Variants in SYNPR observed in about 807,000 individuals in gnomAD.
SYNPR encodes the protein synaptoporin.
SYNPR carries 23 observed loss-of-function variants against 32.9 expected under a neutral mutation model. That is an observed-to-expected ratio of 0.70 (90% CI 0.50 to 0.99). SYNPR has a LOEUF of 0.99. Ranked by LOEUF, SYNPR falls within the 50% of genes least tolerant of loss-of-function variation. The probability of loss-of-function intolerance (pLI) is 0.00; values close to 1 mark genes in which losing one functional copy is unlikely to be tolerated. For synonymous variants in SYNPR, 146 were observed against 135.9 expected (o/e 1.07, Z -0.52); for missense variants, 318 against 349.3 (o/e 0.91, Z 0.71).
At chr3:63,406,205 T>TA (rs112126122) in intron 2 of SYNPR, among the ~76,000 whole-genome samples, 4,380 of 141,336 alleles carry the variant, frequency 0.031, 188 homozygotes, top group African/African-American at 0.1. Context: ...AATGCAGCTT[T>TA]AAAAAAAAAA....
At chr3:63,576,691 T>A (rs1158690709) in intron 4 of SYNPR, among the ~76,000 whole-genome samples, 2 of 150,022 alleles carry the variant, frequency 1.3e-5, no homozygotes, top group Non-Finnish European at 2.9e-5. Context: ...CTCGGGAAGT[T>A]GAGGCAGGAG....
intron 1 of SYNPR, among the ~76,000 whole-genome samples, chr3:63,238,351 T>G (rs1042137420): frequency 1.3e-5 from 2 of 151,752 alleles, no homozygotes; most frequent in African/African-American, 4.8e-5. Flanking sequence ...ATCATTCAAT[T>G]TTTTTTTTCT....
intron 2 of SYNPR, among the ~76,000 whole-genome samples, chr3:63,318,217 T>C (rs976515563): frequency 7.9e-5 from 12 of 152,052 alleles, no homozygotes; most frequent in African/African-American, 2.9e-4. Context: ...TTGGATAACC[T>C]GATGACAATG....
intron 1 of SYNPR, among the ~76,000 whole-genome samples, chr3:63,233,120 T>C (rs1252506125): frequency 6.6e-6 from 1 of 152,174 alleles, no homozygotes; most frequent in African/African-American, 2.4e-5. Context: ...GCCTTGGAAC[T>C]AAGTGGTTAA....
intron 2 of SYNPR, among the ~76,000 whole-genome samples, chr3:63,405,548 C>T (rs9859329): frequency 0.095 from 14,444 of 151,962 alleles, 1,800 homozygotes; most frequent in African/African-American, 0.29. Flanking sequence ...TAGCACAGGG[C>T]CCATAGACTG....
chr3:63,519,037 A>C (rs1701854763), intron 3 of SYNPR, among the ~76,000 whole-genome samples: 1 of 152,108 alleles, frequency 6.6e-6, no homozygotes, highest in African/African-American at 2.4e-5. Context: ...TTTTGTTTAT[A>C]GTTCTGTTTA....
chr3:63,294,827 C>A (rs540092744), intron 2 of SYNPR, among the ~76,000 whole-genome samples: 3 of 151,990 alleles, frequency 2.0e-5, no homozygotes, highest in Non-Finnish European at 4.4e-5. Flanking sequence ...TTAAATAATA[C>A]TCGTAAATGT....
chr3:63,436,377 C>T (rs975834703), intron 2 of SYNPR, among the ~76,000 whole-genome samples: 2 of 144,792 alleles, frequency 1.4e-5, no homozygotes, highest in Non-Finnish European at 3.0e-5. Flanking sequence ...GTTCCCCTTC[C>T]TGTGTCCATG....
chr3:63,587,891 G>A (rs560809644), intron 4 of SYNPR, among the ~76,000 whole-genome samples: 78 of 152,034 alleles, frequency 5.1e-4, no homozygotes, highest in African/African-American at 1.7e-3. Context: ...GACTACAGAC[G>A]GGTGCAACTG....
intron 2 of SYNPR, among the ~76,000 whole-genome samples, chr3:63,261,492 C>T (rs1363026704): frequency 1.4e-5 from 2 of 146,488 alleles, no homozygotes; most frequent in Non-Finnish European, 3.0e-5. Flanking sequence ...CGCATATTCT[C>T]ACTCATAGCT....
chr3:63,384,430 G>A (rs2088014960), intron 2 of SYNPR, among the ~76,000 whole-genome samples: 1 of 152,098 alleles, frequency 6.6e-6, no homozygotes. Context: ...CTTTCCCAAA[G>A]TCTAGCTATT....
chr3:63,536,321 T>C (rs1168583146), intron 3 of SYNPR, among the ~76,000 whole-genome samples: 1 of 152,064 alleles, frequency 6.6e-6, no homozygotes, highest in Non-Finnish European at 1.5e-5. Flanking sequence ...GAGTAGACAT[T>C]CATCCAAGAA....
chr3:63,305,175 T>C (rs1365113935), intron 2 of SYNPR, among the ~76,000 whole-genome samples: 2 of 152,000 alleles, frequency 1.3e-5, no homozygotes, highest in Non-Finnish European at 2.9e-5. Flanking sequence ...AGGGAGGGAA[T>C]GAGCCTATGT....
intron 3 of SYNPR, among the ~76,000 whole-genome samples, chr3:63,535,973 A>T (rs986509871): frequency 6.6e-6 from 1 of 152,112 alleles, no homozygotes; most frequent in African/African-American, 2.4e-5. Flanking sequence ...TGTATTTTAA[A>T]GGACTCTATC....
chr3:63,423,219 T>C (rs968589835), intron 2 of SYNPR, among the ~76,000 whole-genome samples: 5 of 152,192 alleles, frequency 3.3e-5, no homozygotes, highest in African/African-American at 4.8e-5. Flanking sequence ...AGTTTCATCA[T>C]CTATTTTTTT....
intron 2 of SYNPR, among the ~76,000 whole-genome samples, chr3:63,358,664 C>T (rs987164091): frequency 1.3e-4 from 20 of 151,824 alleles, no homozygotes; most frequent in African/African-American, 4.6e-4. Context: ...TGTTCAGTTG[C>T]GTGGAGGGAC....
At chr3:63,411,620 G>A (rs911176840) in intron 2 of SYNPR, among the ~76,000 whole-genome samples, 32 of 152,094 alleles carry the variant, frequency 2.1e-4, no homozygotes, top group Non-Finnish European at 3.5e-4. Flanking sequence ...GACAGCCAGC[G>A]GGTGAAAGAG....
At chr3:63,484,455 T>C (rs979360890) in intron 3 of SYNPR, among the ~76,000 whole-genome samples, 6 of 152,144 alleles carry the variant, frequency 3.9e-5, no homozygotes, top group Non-Finnish European at 1.5e-5. Context: ...ACTCTAGGAA[T>C]GCCAAGTAAC....
rs566581199 is a variant in SYNPR, at chr3:63,616,675, A to G, written c.*1194A>G. 3 of 152,754 alleles carry G rather than the reference A, an allele frequency of 2.0e-5. No individual in the cohort carries two copies. The highest frequency in any genetic ancestry group is 4.1e-4 in the South Asian group (2 of 4,824). The allele number at this position is 152,754 out of a possible 1,614,324, so 9.5% of individuals were successfully genotyped here. A position where few individuals can be genotyped will look rare whatever the true frequency, so the allele number is the denominator to read the frequency against. ...TGTATTCATTATCAAGAAAATGTCAATCGTCACTTCCTCGTTTTAACTCAG... is the reference window on the plus strand; with the variant it reads ...TGTATTCATTATCAAGAAAATGTCAGTCGTCACTTCCTCGTTTTAACTCAG... On this transcript the variant is annotated 3_prime_UTR_variant, in exon 6 of 6. Coordinates refer to ENST00000478300, the MANE Select transcript of SYNPR (RefSeq NM_001130003.2).
Sources: allele counts gnomAD v4.1 joint callset (sites outside exome capture counted in the v4.1 genomes callset), GRCh38; gene constraint gnomAD v4.1.1; transcripts MANE v1.5; gene names NCBI Gene and HGNC (gene_info 2026-07-23, HGNC 2026-07-21).